HMCN1: variants seen among roughly 807,000 people sequenced by gnomAD.
HMCN1 encodes the protein hemicentin 1.
A neutral mutation model predicts 625.9 loss-of-function variants in HMCN1; 321 were observed. The observed-to-expected ratio is 0.51, with a 90% CI of 0.47 to 0.56. The LOEUF (loss-of-function observed/expected upper bound fraction) is 0.56, where lower values mean the gene tolerates loss of function less well. HMCN1 is among the 20% of genes least tolerant of loss of function. The pLI, the probability that HMCN1 is intolerant of heterozygous loss-of-function variation, is 0.00. For synonymous variants in HMCN1, 2,425 were observed against 2,417.6 expected, an observed-to-expected ratio of 1.00 and a Z score of -0.09; for missense variants, 6,588 against 6,887.3, an observed-to-expected ratio of 0.96 and a Z score of 1.54.
At chr1:186,030,251 C>T (rs1655332497) in intron 36 of HMCN1, among the ~76,000 whole-genome samples, 1 of 152,002 alleles carries the variant, frequency 6.6e-6, no homozygotes, top group Non-Finnish European at 1.5e-5. Context: ...TATTGATTTT[C>T]TGTGTAGTTG....
In HMCN1 at chr1:185,780,935, C is replaced by A. The variant is rs541330249; in HGVS notation, c.268+45888C>A. Among the ~76,000 whole-genome samples, 7 of 152,308 alleles carry A rather than the reference C, an allele frequency of 4.6e-5. No individual in the cohort carries two copies. The South Asian group carries it at 1.5e-3, about 32-fold the overall frequency. Reference sequence around the variant, plus strand: ...TTCAGAAGGAATGGTACCAGCTCCTCGTTGTACCTCTGGTAGAATTCAGCT... The same window carrying A: ...TTCAGAAGGAATGGTACCAGCTCCTAGTTGTACCTCTGGTAGAATTCAGCT... On this transcript the variant is annotated intron_variant, in intron 1 of 106. Coordinates refer to ENST00000271588, the MANE Select transcript of HMCN1 (RefSeq NM_031935.3).
intron 1 of HMCN1, among the ~76,000 whole-genome samples, chr1:185,745,026 T>G (rs1316939755): frequency 6.6e-6 from 1 of 152,142 alleles, no homozygotes; most frequent in Admixed American, 6.5e-5. Flanking sequence ...TCCAATGGAC[T>G]GGACATGGTC....
intron 70 of HMCN1, among the ~76,000 whole-genome samples, chr1:186,107,761 TAC>T (rs143520569): frequency 4.2e-4 from 63 of 149,616 alleles, no homozygotes; most frequent in Non-Finnish European, 3.4e-4. Context: ...CTTGCTTGGT[TAC>T]ACACACACAC....
At chr1:185,972,577 A>G (rs979916985) in intron 15 of HMCN1, among the ~76,000 whole-genome samples, 48 of 152,212 alleles carry the variant, frequency 3.2e-4, no homozygotes, top group African/African-American at 1.1e-3. Context: ...CAGAACCATC[A>G]ACATAAGCCA....
chr1:186,119,059 G>T lies in HMCN1; in HGVS notation c.11849-132G>T, dbSNP rs895627163. The T allele has an allele frequency of 1.4e-5, 10 of 714,256 alleles. No homozygotes were observed. The African/African-American group carries it at 1.8e-4, about 13-fold the overall frequency. 44.2% of individuals were successfully genotyped at this position (714,256 alleles called of 1,614,324 possible). On this transcript the variant is annotated intron_variant, in intron 77 of 106. Coordinates refer to ENST00000271588, the MANE Select transcript of HMCN1 (RefSeq NM_031935.3). ...TTTAAGTACTGTGCTAGGCACTTCA[G>T]GGGATACAAGTATGAATATAAGCCA...
chr1:186,088,741 T>G lies in HMCN1; in HGVS notation c.9713T>G (p.Phe3238Cys), dbSNP rs1188853300. 1 of 1,608,164 alleles carries G rather than the reference T, an allele frequency of 6.2e-7. No homozygotes were observed. The highest frequency in any genetic ancestry group is 8.5e-7 in the Non-Finnish European group (1 of 1,176,192). The stretch of plus-strand genomic sequence containing the variant: ...GAGGGAAAAGCCCAGAAATATTACT[T>G]TCTTTCAATTCAAGGTATGTATTGT... ...NMEGKAQKYY[F>C]LSIQVPPSVA... is the part of the protein sequence containing the mutation. The change falls in exon 63 of 107, where the codon TTT (phenylalanine) becomes TGT (cysteine). Residue 3238 changes from phenylalanine (F) to cysteine (C), a missense_variant. By Grantham distance (205) the Phe-to-Cys change is radical. This residue lies in a region of HMCN1 where 4,628 missense variants were observed against 4,853.1 expected (regional missense o/e 0.95). Coordinates refer to ENST00000271588, the MANE Select transcript of HMCN1 (RefSeq NM_031935.3).
chr1:185,821,671 C>G (rs1660192156), intron 1 of HMCN1, among the ~76,000 whole-genome samples: 3 of 151,640 alleles, frequency 2.0e-5, no homozygotes, highest in Non-Finnish European at 4.4e-5. Context: ...GGTATGGAGC[C>G]AGTCTTGTAT....
Position 186,003,757 on chromosome 1 carries a change from T to C in HMCN1, c.4388T>C (p.Val1463Ala), listed in dbSNP as rs1256697567. 6.2e-7 allele frequency: 1 copy of C among 1,613,072 alleles called. No homozygotes were observed. Among genetic ancestry groups the C allele is most frequent in the Non-Finnish European group, 8.5e-7 (1 of 1,179,192 alleles). ...ATAGGTACCAACTTCCCAAATGAAGTCTCAGTTGTCCTCAACCGTGACGTC... is the reference window on the plus strand; with the variant it reads ...ATAGGTACCAACTTCCCAAATGAAGCCTCAGTTGTCCTCAACCGTGACGTC... ...TIIGTNFPNE[V>A]SVVLNRDVAL... is the part of the protein sequence containing the mutation. Residue 1463 changes from valine (V) to alanine (A), a missense_variant, in exon 29 of 107, where the codon GTC (valine) becomes GCC (alanine). Around this residue, in one of 3 missense-constraint regions of HMCN1, gnomAD observed 4,628 missense variants for 4,853.1 expected, o/e 0.95. Transcript: ENST00000271588.
Position 186,145,646 on chromosome 1 carries a change from C to T in HMCN1, c.14437+73C>T, listed in dbSNP as rs151299793. 845 of 1,609,294 alleles carry T rather than the reference C, an allele frequency of 5.3e-4. 2 individuals carry two copies. The African/African-American group carries it at 9.9e-3, about 19-fold the overall frequency. On this transcript the variant is annotated intron_variant, in intron 92 of 106. Transcript: ENST00000271588. ...AGTGCTCATTGTAGCAGGCCTATTGCTTCAGACCTTAAAATGAAAGTTGTA... is the reference window on the plus strand; with the variant it reads ...AGTGCTCATTGTAGCAGGCCTATTGTTTCAGACCTTAAAATGAAAGTTGTA...
intron 1 of HMCN1, among the ~76,000 whole-genome samples, chr1:185,759,823 C>T (rs890922604): frequency 6.6e-6 from 1 of 151,994 alleles, no homozygotes; most frequent in Admixed American, 6.6e-5. Flanking sequence ...CTTTTCACTA[C>T]ATGTCATGGA....
intron 1 of HMCN1, among the ~76,000 whole-genome samples, chr1:185,808,777 C>G (rs1659331344): frequency 6.6e-6 from 1 of 152,144 alleles, no homozygotes; most frequent in Non-Finnish European, 1.5e-5. Flanking sequence ...GTTAACTATT[C>G]TGTTTTCTTC....
At chr1:185,917,967 A>C (rs1437335490) in intron 6 of HMCN1, among the ~76,000 whole-genome samples, 1 of 152,058 alleles carries the variant, frequency 6.6e-6, no homozygotes, top group African/African-American at 2.4e-5. Flanking sequence ...CTTTTCCCTT[A>C]CTGCATTGTA....
rs1400145876 is a variant in HMCN1, at chr1:186,057,269, G to C, written c.7180G>C (p.Glu2394Gln). The C allele has an allele frequency of 6.2e-7, 1 of 1,611,558 alleles. No individual in the cohort carries two copies. Among genetic ancestry groups the C allele is most frequent in the African/African-American group, 1.3e-5 (1 of 74,806 alleles). ...CATCATAGGAAACCACAGGTCACCT[G>C]AAAATATTAGTGTGGTAGAAAAGAA... ...PSIIGNHRSPENISVVEKNSV... is the reference protein window; with the variant it reads ...PSIIGNHRSPQNISVVEKNSV... The change falls in exon 46 of 107, where the codon GAA becomes CAA. Residue 2394 changes from glutamate (E) to glutamine (Q), a missense_variant. Coordinates refer to ENST00000271588, the MANE Select transcript of HMCN1 (RefSeq NM_031935.3).
At chr1:185,795,854 T>C (rs919108786) in intron 1 of HMCN1, among the ~76,000 whole-genome samples, 2 of 152,242 alleles carry the variant, frequency 1.3e-5, no homozygotes, top group African/African-American at 4.8e-5. Flanking sequence ...TCACAAGGTC[T>C]AGCACATACT....
At chr1:185,841,705 C>G (rs529916866) in intron 1 of HMCN1, among the ~76,000 whole-genome samples, 1 of 152,298 alleles carries the variant, frequency 6.6e-6, no homozygotes, top group Non-Finnish European at 1.5e-5. Context: ...TAGATGCTGG[C>G]TATCATGCTG....
Position 186,087,328 on chromosome 1 carries a change from A to G in HMCN1, c.9158A>G (p.Tyr3053Cys), listed in dbSNP as rs747698845. The change falls in exon 59 of 107, where the codon TAT becomes TGT. Residue 3053 changes from tyrosine to cysteine, a missense_variant and splice_region_variant. Around this residue, in one of 3 missense-constraint regions of HMCN1, gnomAD observed 4,628 missense variants for 4,853.1 expected, o/e 0.95. Transcript: ENST00000271588. ...ESKKKFSLTV[Y>C]VPPSIKDHDS... ...AAGAAAAAGTTTTCCCTGACTGTTTATGGTTCGTTTTTACTCTCTTCATAA... is the reference window on the plus strand; with the variant it reads ...AAGAAAAAGTTTTCCCTGACTGTTTGTGGTTCGTTTTTACTCTCTTCATAA... 5 of 1,611,242 alleles carry G rather than the reference A, an allele frequency of 3.1e-6. No homozygotes were observed. The highest frequency in any genetic ancestry group is 1.3e-5 in the African/African-American group (1 of 74,940).
intron 18 of HMCN1, among the ~76,000 whole-genome samples, chr1:185,983,024 C>T (rs536819803): frequency 6.6e-6 from 1 of 152,010 alleles, no homozygotes; most frequent in Non-Finnish European, 1.5e-5. Context: ...TTTTTGTGCT[C>T]TTCTTTGTAG....
chr1:185,866,131 G>T (rs1328325808), intron 4 of HMCN1, among the ~76,000 whole-genome samples: 2 of 151,986 alleles, frequency 1.3e-5, no homozygotes, highest in Non-Finnish European at 2.9e-5. Flanking sequence ...AAAAATTTTT[G>T]TAGTTGTTCA....
At chr1:186,040,874 C>A in intron 39 of HMCN1, 139 bp from the exon 40 acceptor site, 1 of 824,388 alleles carries the variant, frequency 1.2e-6, no homozygotes, top group Admixed American at 1.9e-5. Flanking sequence ...TGATGTTTGC[C>A]TACTTAAAAA....
Sources: allele counts gnomAD v4.1 joint callset (sites outside exome capture counted in the v4.1 genomes callset), GRCh38; gene constraint gnomAD v4.1.1; regional missense constraint gnomAD v4.1.1; transcripts MANE v1.5; gene names NCBI Gene and HGNC (gene_info 2026-07-23, HGNC 2026-07-21).